Variants in CUEDC2 observed in about 807,000 individuals in gnomAD.
The protein encoded by CUEDC2 is CUE domain containing 2.
In CUEDC2, 10 loss-of-function variants were observed where a neutral mutation model predicts 36.0. That is an observed-to-expected ratio of 0.28 (90% CI 0.17 to 0.47). The LOEUF is 0.47. CUEDC2 is among the 20% of genes least tolerant of loss of function. The pLI, the probability that CUEDC2 is intolerant of heterozygous loss-of-function variation, is 0.99. For synonymous variants in CUEDC2, 133 were observed against 141.8 expected, an observed-to-expected ratio of 0.94 and a Z score of 0.44; for missense variants, 269 against 368.1, an observed-to-expected ratio of 0.73 and a Z score of 2.20.
At position 102,424,592 on chromosome 10, in the gene CUEDC2, C is replaced by A; in HGVS notation, c.219-32G>T. On this transcript the variant is annotated intron_variant, in intron 3 of 8. Transcript: ENST00000369937. The surrounding 1 kb of genome is among the most constrained non-coding windows in gnomAD (Gnocchi z 4.2). ...AGATGAGGGCAGTGAGAGGATGACT[C>A]TGCCCACCCCATAATCAGCCAGCCC... 2 of 1,614,146 alleles carry A rather than the reference C, an allele frequency of 1.2e-6. No individual in the cohort carries two copies. The highest frequency in any genetic ancestry group is 8.5e-7 in the Non-Finnish European group (1 of 1,179,998).
In CUEDC2 at chr10:102,423,746, T is replaced by A. The variant is rs200010505; in HGVS notation, c.657-29A>T. Reference sequence around the variant, plus strand: ...TCAAAAACTGGCTGGGTGAAGCTCCTGTCACCCTGGGAAGACCCTCTAGGG... The same window carrying A: ...TCAAAAACTGGCTGGGTGAAGCTCCAGTCACCCTGGGAAGACCCTCTAGGG... On this transcript the variant is annotated intron_variant, in intron 7 of 8. Transcript: ENST00000369937. The surrounding 1 kb of genome is among the most constrained non-coding windows in gnomAD (Gnocchi z 5.6). 1.9e-5 allele frequency: 31 copies of A among 1,614,014 alleles called. No homozygotes were observed. The highest frequency in any genetic ancestry group is 8.3e-5 in the Admixed American group (5 of 60,006).
At chr10:102,430,589 G>T (rs943682624) in intron 1 of CUEDC2, among the ~76,000 whole-genome samples, 3 of 152,194 alleles carry the variant, frequency 2.0e-5, no homozygotes, top group Non-Finnish European at 2.9e-5. Flanking sequence ...CAAATAAAAA[G>T]ACTTGCTCCC....
At chr10:102,431,881 A>G (rs2061617823) in intron 1 of CUEDC2, among the ~76,000 whole-genome samples, 1 of 152,204 alleles carries the variant, frequency 6.6e-6, no homozygotes. Flanking sequence ...AGAGTGGGGT[A>G]AGAAGTACTA....
rs1312877941 is a variant in CUEDC2, at chr10:102,424,388, A to G, written c.287T>C (p.Leu96Pro). The change falls in exon 5 of 9, where the codon CTG becomes CCG. Residue 96 changes from leucine to proline, a missense_variant. Leu to Pro is a moderately conservative substitution (Grantham distance 98). Coordinates refer to ENST00000369937, the MANE Select transcript of CUEDC2 (RefSeq NM_024040.3). The surrounding 1 kb of genome is among the most constrained non-coding windows in gnomAD (Gnocchi z 4.2). Reference sequence around the variant, plus strand: ...TTGGACACCAGAGCTCTGCGGTTGCAGGTTCTCTTAAAGAGGCAAAGAGAG... The same window carrying G: ...TTGGACACCAGAGCTCTGCGGTTGCGGGTTCTCTTAAAGAGGCAAAGAGAG... ...QLSDARNKEN[L>P]QPQSSGVQGQ... The G allele has an allele frequency of 6.2e-7, 1 of 1,614,100 alleles. No individual in the cohort carries two copies. Among genetic ancestry groups the G allele is most frequent in the African/African-American group, 1.3e-5 (1 of 75,042 alleles).
intron 1 of CUEDC2, among the ~76,000 whole-genome samples, chr10:102,426,795 TTTGTTG>T (rs896335779): frequency 1.3e-5 from 2 of 151,864 alleles, no homozygotes; most frequent in African/African-American, 2.4e-5. Flanking sequence ...CTACTAGTTT[TTTGTTG>T]TTGTTGTTTG....
At chr10:102,429,240 G>A (rs913863410) in intron 1 of CUEDC2, among the ~76,000 whole-genome samples, 1 of 151,778 alleles carries the variant, frequency 6.6e-6, no homozygotes, top group African/African-American at 2.4e-5. Flanking sequence ...CATGAAGCAG[G>A]GACTAAACAC....
chr10:102,425,421 G>A (rs1229042313), intron 1 of CUEDC2, among the ~76,000 whole-genome samples: 5 of 142,104 alleles, frequency 3.5e-5, no homozygotes, highest in East Asian at 2.1e-4. Context: ...TAGAGGAGGC[G>A]CCCCCCCACC....
chr10:102,430,986 C>T (rs1425162348), intron 1 of CUEDC2, among the ~76,000 whole-genome samples: 1 of 152,204 alleles, frequency 6.6e-6, no homozygotes, highest in African/African-American at 2.4e-5. Flanking sequence ...ATGAGTCCTG[C>T]CTAAATGCCT....
Position 102,424,543 on chromosome 10 carries a change from A to G in CUEDC2, c.236T>C (p.Met79Thr), listed in dbSNP as rs776178971. The G allele has an allele frequency of 2.5e-6, 4 of 1,614,018 alleles. No individual in the cohort carries two copies. The Admixed American group carries it at 6.7e-5, about 27-fold the overall frequency. Residue 79 changes from methionine (M) to threonine (T), a missense_variant, in exon 4 of 9, where the codon ATG becomes ACG. Met to Thr is a moderately conservative substitution (Grantham distance 81, BLOSUM62 -1). Transcript: ENST00000369937. This position sits in a 1 kb window ranked among gnomAD's most constrained non-coding sequence, Gnocchi z 4.2. ...CAGCTGCCCTGAGAGCTTCTGCATC[A>G]TGTCCCCTATTGTGCCCCTGAAAAG... ...AHIPRGTIGD[M>T]MQKLSGQLSD...
In CUEDC2 at chr10:102,424,540, A is replaced by T. The variant is rs1334771034; in HGVS notation, c.239T>A (p.Met80Lys). ...HIPRGTIGDM[M>K]QKLSGQLSDA... ...GCTCAGCTGCCCTGAGAGCTTCTGCATCATGTCCCCTATTGTGCCCCTGAA... is the reference window on the plus strand; with the variant it reads ...GCTCAGCTGCCCTGAGAGCTTCTGCTTCATGTCCCCTATTGTGCCCCTGAA... The change falls in exon 4 of 9, where the codon ATG becomes AAG. Residue 80 changes from methionine to lysine, a missense_variant. Transcript: ENST00000369937. This position sits in a 1 kb window ranked among gnomAD's most constrained non-coding sequence, Gnocchi z 4.2. 2 of 1,614,034 alleles carry T rather than the reference A, an allele frequency of 1.2e-6. No individual in the cohort carries two copies. The highest frequency in any genetic ancestry group is 2.7e-5 in the African/African-American group (2 of 74,912).
At chr10:102,428,806 G>A (rs12569389) in intron 1 of CUEDC2, among the ~76,000 whole-genome samples, 1 of 152,102 alleles carries the variant, frequency 6.6e-6, no homozygotes, top group Non-Finnish European at 1.5e-5. Context: ...GTTGGATCAC[G>A]AGGTCAGGAG....
In CUEDC2 at chr10:102,424,411, G is replaced by C. The variant is rs1184352081; in HGVS notation, c.281-17C>G. 1.6e-5 allele frequency: 26 copies of C among 1,613,702 alleles called. No individual in the cohort carries two copies. Among genetic ancestry groups the C allele is most frequent in the Non-Finnish European group, 2.0e-5 (24 of 1,179,714 alleles). Reference sequence around the variant, plus strand: ...GCAGGTTCTCTTAAAGAGGCAAAGAGAGCATCAGGTTTGCCAAGGCTCTGG... The same window carrying C: ...GCAGGTTCTCTTAAAGAGGCAAAGACAGCATCAGGTTTGCCAAGGCTCTGG... On this transcript the variant is annotated splice_polypyrimidine_tract_variant and intron_variant, in intron 4 of 8. Coordinates refer to ENST00000369937, the MANE Select transcript of CUEDC2 (RefSeq NM_024040.3). This position sits in a 1 kb window ranked among gnomAD's most constrained non-coding sequence, Gnocchi z 4.2.
rs749494722 is a variant in CUEDC2, at chr10:102,423,722, CA to C, written c.657-6del. 6.2e-7 allele frequency: 1 copy of C among 1,614,078 alleles called. No individual in the cohort carries two copies. Among genetic ancestry groups the C allele is most frequent in the Non-Finnish European group, 8.5e-7 (1 of 1,180,032 alleles). The stretch of plus-strand genomic sequence containing the variant: ...GCGCTATCCACCATCATGTACCTGT[CA>C]AAAACTGGCTGGGTGAAGCTCCTGT... On this transcript the variant is annotated splice_region_variant and splice_polypyrimidine_tract_variant and intron_variant, in intron 7 of 8. Transcript: ENST00000369937. This position sits in a 1 kb window ranked among gnomAD's most constrained non-coding sequence, Gnocchi z 5.6.
At chr10:102,427,084 C>T (rs953601824) in intron 1 of CUEDC2, among the ~76,000 whole-genome samples, 3 of 152,066 alleles carry the variant, frequency 2.0e-5, no homozygotes, top group Non-Finnish European at 4.4e-5. Context: ...GGGGGAATTT[C>T]TCATGATTTC....
intron 1 of CUEDC2, among the ~76,000 whole-genome samples, chr10:102,429,628 G>A (rs930099768): frequency 6.8e-6 from 1 of 146,358 alleles, no homozygotes; most frequent in African/African-American, 2.6e-5. Context: ...GCCCTCATGG[G>A]CCCTGAGGAA....
rs185510913 is a variant in CUEDC2, at chr10:102,423,635, C to G, written c.717+22G>C. On this transcript the variant is annotated intron_variant, in intron 8 of 8. Coordinates refer to ENST00000369937, the MANE Select transcript of CUEDC2 (RefSeq NM_024040.3). This position sits in a 1 kb window ranked among gnomAD's most constrained non-coding sequence, Gnocchi z 5.6. Reference sequence around the variant, plus strand: ...GCCAGTCCCACCCATTCCGCATCCCCAGCAACCCTTAACTCTCTCACCTCC... The same window carrying G: ...GCCAGTCCCACCCATTCCGCATCCCGAGCAACCCTTAACTCTCTCACCTCC... 1.9e-6 allele frequency: 3 copies of G among 1,614,168 alleles called. No homozygotes were observed. The East Asian group carries it at 6.7e-5, about 36-fold the overall frequency.
In CUEDC2 at chr10:102,424,275, T is replaced by A. The variant is rs938032117; in HGVS notation, c.400A>T (p.Thr134Ser). Residue 134 changes from threonine (T) to serine (S), a missense_variant, in exon 5 of 9, where the codon ACC becomes TCC. Physicochemically the swap from Thr to Ser is moderately conservative, Grantham distance 58. Transcript: ENST00000369937. The surrounding 1 kb of genome is among the most constrained non-coding windows in gnomAD (Gnocchi z 4.2). ...TRSSAAAAAD[T>S]QDEATGAEEE... Reference sequence around the variant, plus strand: ...TCCTCTACCAGTACCTCATCTTGGGTGTCTGCAGCAGCAGCAGCCGAAGAC... The same window carrying A: ...TCCTCTACCAGTACCTCATCTTGGGAGTCTGCAGCAGCAGCAGCCGAAGAC... The A allele has an allele frequency of 6.2e-7, 1 of 1,613,580 alleles. No individual in the cohort carries two copies.
intron 1 of CUEDC2, among the ~76,000 whole-genome samples, chr10:102,427,829 T>G (rs1016303755): frequency 6.6e-6 from 1 of 152,240 alleles, no homozygotes; most frequent in African/African-American, 2.4e-5. Context: ...AATCTTTTCA[T>G]GGCTTTCCAT....
At position 102,423,578 on chromosome 10, in the gene CUEDC2, A is replaced by G. The variant is rs748745973; in HGVS notation, c.718-6T>C. 18 of 1,614,064 alleles carry G rather than the reference A, an allele frequency of 1.1e-5. No individual in the cohort carries two copies. Among genetic ancestry groups the G allele is most frequent in the Non-Finnish European group, 1.5e-5 (18 of 1,180,026 alleles). On this transcript the variant is annotated splice_region_variant and splice_polypyrimidine_tract_variant and intron_variant, in intron 8 of 8. Transcript: ENST00000369937. The surrounding 1 kb of genome is among the most constrained non-coding windows in gnomAD (Gnocchi z 5.6). ...CGGATCAGCTTCTTGGGGGCCTGTC[A>G]GGCAATCAGCAGTGAGTGGCAGAAG...
Sources: allele counts gnomAD v4.1 joint callset (sites outside exome capture counted in the v4.1 genomes callset), GRCh38; gene constraint gnomAD v4.1.1; non-coding constraint Gnocchi (gnomAD v3.1); transcripts MANE v1.5; gene names NCBI Gene and HGNC (gene_info 2026-07-23, HGNC 2026-07-21).